The following CPED1 variants were observed in gnomAD, a reference collection of about 807,000 sequenced individuals.
The protein encoded by CPED1 is cadherin-like and PC-esterase domain-containing protein 1.
Under a neutral mutation model 128.2 loss-of-function variants are expected in CPED1, and 114 were observed. That is an observed-to-expected ratio of 0.89 (90% CI 0.76 to 1.04). The LOEUF is 1.04. Among genes scored for constraint, CPED1 ranks in the 50% least tolerant of loss-of-function variants. The pLI is 0.00. For synonymous variants in CPED1, 462 were observed against 426.7 expected (o/e 1.08, Z -1.02); for missense variants, 1,211 against 1,207.1 (o/e 1.00, Z -0.05).
At chr7:121,280,580 G>A (rs968650484) in intron 22 of CPED1, among the ~76,000 whole-genome samples, 2 of 152,166 alleles carry the variant, frequency 1.3e-5, no homozygotes, top group Non-Finnish European at 2.9e-5. Flanking sequence ...GAAAGTTTTA[G>A]TCTTGCCCCC....
At chr7:121,034,259 T>TC (rs1792823970) in intron 3 of CPED1, among the ~76,000 whole-genome samples, 1 of 145,800 alleles carries the variant, frequency 6.9e-6, no homozygotes, top group Non-Finnish European at 1.5e-5. Context: ...TTTTTTTTTT[T>TC]TTTTTTGAGA....
At chr7:121,207,649 C>T (rs568389084) in intron 16 of CPED1, among the ~76,000 whole-genome samples, 1 of 152,084 alleles carries the variant, frequency 6.6e-6, no homozygotes, top group East Asian at 1.9e-4. Context: ...ACAAGGCCAA[C>T]GTGACTTAAA....
At chr7:121,232,085 T>C (rs1798153708) in intron 16 of CPED1, among the ~76,000 whole-genome samples, 1 of 152,084 alleles carries the variant, frequency 6.6e-6, no homozygotes, top group South Asian at 2.1e-4. Flanking sequence ...AATAATGGTT[T>C]GAAAGAGGCA....
chr7:121,015,868 A>C lies in CPED1; in HGVS notation c.433+20A>C, dbSNP rs547999537. The C allele has an allele frequency of 1.5e-5, 21 of 1,421,852 alleles. No homozygotes were observed. The South Asian group carries it at 3.5e-4, about 23-fold the overall frequency. 88.1% of individuals were successfully genotyped at this position (1,421,852 alleles called of 1,614,324 possible). On this transcript the variant is annotated intron_variant, in intron 3 of 22. Coordinates refer to ENST00000310396, the MANE Select transcript of CPED1 (RefSeq NM_024913.5). ...AACAAGGTCAGAATAGTGAGAAGTA[A>C]CTGCCAAAGTCACTTGACATATAAT...
At chr7:121,241,769 A>T (rs1040095105) in intron 17 of CPED1, among the ~76,000 whole-genome samples, 4 of 152,182 alleles carry the variant, frequency 2.6e-5, no homozygotes, top group African/African-American at 9.6e-5. Context: ...CTGAGAGTAG[A>T]GGTGGGAAAA....
At chr7:121,106,842 C>G (rs1017501634) in intron 7 of CPED1, among the ~76,000 whole-genome samples, 2 of 152,050 alleles carry the variant, frequency 1.3e-5, no homozygotes, top group Non-Finnish European at 2.9e-5. Context: ...CTCTTTCTGC[C>G]GTTGCCCAGC....
intron 5 of CPED1, among the ~76,000 whole-genome samples, chr7:121,086,925 C>T (rs1794438662): frequency 6.6e-6 from 1 of 152,236 alleles, no homozygotes; most frequent in Non-Finnish European, 1.5e-5. Flanking sequence ...ATGACCATCA[C>T]TCTTCACTGG....
chr7:121,047,299 GT>G (rs1793225243), intron 4 of CPED1, among the ~76,000 whole-genome samples: 1 of 152,116 alleles, frequency 6.6e-6, no homozygotes, highest in Admixed American at 6.5e-5. Flanking sequence ...AAGTGGTAAA[GT>G]CTTTATTTTT....
intron 2 of CPED1, among the ~76,000 whole-genome samples, chr7:121,008,713 A>T (rs1169110694): frequency 6.6e-6 from 1 of 152,108 alleles, no homozygotes; most frequent in Non-Finnish European, 1.5e-5. Flanking sequence ...TTATCTCCAT[A>T]GGAAATTATG....
intron 16 of CPED1, among the ~76,000 whole-genome samples, chr7:121,176,392 T>TA (rs1459049664): frequency 6.6e-6 from 1 of 151,844 alleles, no homozygotes; most frequent in Non-Finnish European, 1.5e-5. Context: ...CTTTTTTTTT[T>TA]AAACATGTTT....
intron 3 of CPED1, among the ~76,000 whole-genome samples, chr7:121,046,436 A>G (rs981817463): frequency 1.1e-4 from 17 of 152,250 alleles, no homozygotes; most frequent in Middle Eastern, 3.4e-3. Context: ...CAGTGGGAAG[A>G]CCTAAGCCCA....
chr7:121,026,520 C>T (rs1249365771), intron 3 of CPED1, among the ~76,000 whole-genome samples: 1 of 152,088 alleles, frequency 6.6e-6, no homozygotes, highest in East Asian at 1.9e-4. Context: ...ACTTCCACAT[C>T]CCTGCTATAG....
At chr7:121,211,266 AT>A (rs1423148321) in intron 16 of CPED1, among the ~76,000 whole-genome samples, 1 of 152,070 alleles carries the variant, frequency 6.6e-6, no homozygotes, top group Non-Finnish European at 1.5e-5. Flanking sequence ...CTGTTAAACT[AT>A]TCTGTCATAT....
intron 22 of CPED1, among the ~76,000 whole-genome samples, chr7:121,275,580 A>G (rs536485548): frequency 6.6e-6 from 1 of 152,290 alleles, no homozygotes; most frequent in East Asian, 1.9e-4. Context: ...ATTATTCATT[A>G]GTCTAATCAA....
At chr7:121,122,592 A>G (rs1278758716) in intron 7 of CPED1, among the ~76,000 whole-genome samples, 1 of 152,200 alleles carries the variant, frequency 6.6e-6, no homozygotes, top group Non-Finnish European at 1.5e-5. Flanking sequence ...AAGTCTCACA[A>G]CTTTGGCACA....
chr7:121,222,482 TTCTGTGAAGAAAGTC>T (rs1797904898), intron 16 of CPED1, among the ~76,000 whole-genome samples: 1 of 152,192 alleles, frequency 6.6e-6, no homozygotes, highest in South Asian at 2.1e-4. Flanking sequence ...CTTTTTCCAA[TTCTGTGAAGAAAGTC>T]ATTGGTAGCC....
At position 120,998,391 on chromosome 7, in the gene CPED1, C is replaced by T. The variant is rs568366145; in HGVS notation, c.249+8521C>T. ...CCTCTCTAGGATTTAGTTTCCTTAC[C>T]TGAATATGGATATATTATCACCAAC... is the stretch of plus-strand genomic sequence containing the variant. On this transcript the variant is annotated intron_variant, in intron 2 of 22. Coordinates refer to ENST00000310396, the MANE Select transcript of CPED1 (RefSeq NM_024913.5). Among the ~76,000 whole-genome samples the T allele has an allele frequency of 1.3e-4, 20 of 152,188 alleles. No homozygotes were observed. In the South Asian group the frequency reaches 1.9e-3, roughly 14 times the overall value.
chr7:121,187,274 C>T (rs1042303544), intron 16 of CPED1, among the ~76,000 whole-genome samples: 3 of 152,124 alleles, frequency 2.0e-5, no homozygotes, highest in Non-Finnish European at 4.4e-5. Context: ...CATCTCACTG[C>T]GAAGGGTGTA....
At chr7:121,120,354 A>G (rs1795354147) in intron 7 of CPED1, among the ~76,000 whole-genome samples, 1 of 152,200 alleles carries the variant, frequency 6.6e-6, no homozygotes, top group Non-Finnish European at 1.5e-5. Flanking sequence ...ATGGGTGTGA[A>G]GTAATATCTC....
Sources: allele counts gnomAD v4.1 joint callset (sites outside exome capture counted in the v4.1 genomes callset), GRCh38; gene constraint gnomAD v4.1.1; transcripts MANE v1.5; gene names NCBI Gene and HGNC (gene_info 2026-07-23, HGNC 2026-07-21).